MAML2: variants seen among roughly 807,000 people sequenced by gnomAD.
MAML2 encodes mastermind like transcriptional coactivator 2.
MAML2 carries 22 observed loss-of-function variants against 96.1 expected under a neutral mutation model. The observed-to-expected ratio is 0.23, with a 90% CI of 0.16 to 0.33. MAML2 has a LOEUF of 0.33. Among genes scored for constraint, MAML2 ranks in the 10% least tolerant of loss-of-function variants. The pLI, the probability that MAML2 is intolerant of heterozygous loss-of-function variation, is 1.00. For synonymous variants in MAML2, 561 were observed against 521.3 expected (o/e 1.08, Z -1.04); for missense variants, 1,367 against 1,392.4 (o/e 0.98, Z 0.29).
chr11:96,243,295 A>C (rs555007565), intron 1 of MAML2, among the ~76,000 whole-genome samples: 3 of 152,304 alleles, frequency 2.0e-5, no homozygotes, highest in African/African-American at 7.2e-5. Flanking sequence ...CCTCCAGACC[A>C]ATGAGAAGGA....
chr11:96,317,963 A>G (rs1325984834), intron 1 of MAML2, among the ~76,000 whole-genome samples: 1 of 152,240 alleles, frequency 6.6e-6, no homozygotes, highest in Non-Finnish European at 1.5e-5. Context: ...ACAAGCTGTG[A>G]ATCCAGAGTT....
At chr11:96,027,808 T>C (rs1234132360) in intron 2 of MAML2, among the ~76,000 whole-genome samples, 2 of 152,236 alleles carry the variant, frequency 1.3e-5, no homozygotes, top group Non-Finnish European at 2.9e-5. Flanking sequence ...CATGGCTTAC[T>C]GTAGCCTCAA....
chr11:96,146,866 T>A (rs963042500), intron 1 of MAML2, among the ~76,000 whole-genome samples: 2 of 152,230 alleles, frequency 1.3e-5, no homozygotes, highest in African/African-American at 4.8e-5. Flanking sequence ...AAAGAGGCAG[T>A]TGACAGCCTT....
chr11:96,341,181 G>A (rs1316296157), intron 1 of MAML2, among the ~76,000 whole-genome samples: 1 of 152,138 alleles, frequency 6.6e-6, no homozygotes, highest in African/African-American at 2.4e-5. Flanking sequence ...TATAAGCGAA[G>A]GAAAACCCAG....
rs535287955 is a variant in MAML2 at position 96,247,147 on chromosome 11, A to G, written c.513+94236T>C. On this transcript the variant is annotated intron_variant, in intron 1 of 4. Transcript: ENST00000524717. ...CCCTCATTAATGTCTTTCTAGCCTC[A>G]AATATGGAGTCAGCTCAACACACAC... Among the ~76,000 whole-genome samples the G allele has an allele frequency of 6.6e-5, 10 of 152,238 alleles. No homozygotes were observed. In the South Asian group the frequency reaches 2.1e-3, roughly 32 times the overall value.
At chr11:95,982,452 T>C (rs547278001) in intron 4 of MAML2, among the ~76,000 whole-genome samples, 11 of 152,308 alleles carry the variant, frequency 7.2e-5, no homozygotes, top group Non-Finnish European at 1.3e-4. Flanking sequence ...TCAGATTTCT[T>C]TTCTTTCCTC....
chr11:95,988,828 C>T (rs1207272178), intron 3 of MAML2, among the ~76,000 whole-genome samples: 2 of 152,020 alleles, frequency 1.3e-5, no homozygotes, highest in Non-Finnish European at 2.9e-5. Flanking sequence ...CTTGAGAATA[C>T]TTTTATGCAA....
In MAML2 at chr11:96,080,311, G is replaced by A. The variant is rs183397656; in HGVS notation, c.2139+11581C>T. 2.6e-5 allele frequency among the ~76,000 whole-genome samples: 4 copies of A among 152,300 alleles called. No homozygotes were observed. In the East Asian group the frequency reaches 5.8e-4, roughly 22 times the overall value. On this transcript the variant is annotated intron_variant, in intron 2 of 4. Coordinates refer to ENST00000524717, the MANE Select transcript of MAML2 (RefSeq NM_032427.4). ...CACATAATGGTAAATACCAGGAGAA[G>A]CAACTAAAAATGATGAAAGTGGTTT...
chr11:96,283,273 T>C (rs1277319645), intron 1 of MAML2, among the ~76,000 whole-genome samples: 2 of 152,234 alleles, frequency 1.3e-5, no homozygotes, highest in Non-Finnish European at 2.9e-5. Context: ...ACAGTTCTCC[T>C]TGTCTATTTT....
At chr11:96,142,297 C>T (rs556306596) in intron 1 of MAML2, among the ~76,000 whole-genome samples, 31 of 152,272 alleles carry the variant, frequency 2.0e-4, no homozygotes, top group South Asian at 2.1e-4. Flanking sequence ...AATTTCTCAT[C>T]TATTTGGGAG....
At chr11:95,997,553 T>G (rs1465895384) in intron 2 of MAML2, among the ~76,000 whole-genome samples, 2 of 152,202 alleles carry the variant, frequency 1.3e-5, no homozygotes, top group African/African-American at 4.8e-5. Flanking sequence ...AAGCATTGCA[T>G]TCTTCTGGGC....
chr11:96,330,974 A>G (rs1863846243), intron 1 of MAML2, among the ~76,000 whole-genome samples: 1 of 152,212 alleles, frequency 6.6e-6, no homozygotes, highest in Non-Finnish European at 1.5e-5. Flanking sequence ...GTGATCATTT[A>G]AAAAGCCATC....
chr11:96,121,780 A>T (rs1487289576), intron 1 of MAML2, among the ~76,000 whole-genome samples: 86 of 35,218 alleles, frequency 2.4e-3, no homozygotes, highest in East Asian at 3.3e-3. Context: ...CAACTGCGTG[A>T]TTTTTTTTTT....
At chr11:96,122,495 T>TGG (rs1047620685) in intron 1 of MAML2, among the ~76,000 whole-genome samples, 376 of 59,462 alleles carry the variant, frequency 6.3e-3, no homozygotes, top group African/African-American at 0.023. Context: ...TCTTTTAGGC[T>TGG]GGGTGTGTGT....
chr11:96,150,125 CA>C (rs1860896504), intron 1 of MAML2, among the ~76,000 whole-genome samples: 1 of 152,192 alleles, frequency 6.6e-6, no homozygotes, highest in African/African-American at 2.4e-5. Context: ...ATTTCGTTAA[CA>C]ATTTTTGACA....
At chr11:96,075,863 G>T (rs145837612) in intron 2 of MAML2, among the ~76,000 whole-genome samples, 2 of 152,042 alleles carry the variant, frequency 1.3e-5, no homozygotes, top group African/African-American at 2.4e-5. Flanking sequence ...CTTACTAATC[G>T]GCATTCAGAT....
chr11:96,225,891 T>C (rs1862204053), intron 1 of MAML2, among the ~76,000 whole-genome samples: 1 of 152,116 alleles, frequency 6.6e-6, no homozygotes, highest in Admixed American at 6.5e-5. Context: ...AGCATTCTCA[T>C]TGTAGTTATT....
intron 1 of MAML2, among the ~76,000 whole-genome samples, chr11:96,247,065 A>G (rs772408718): frequency 1.3e-5 from 2 of 152,092 alleles, no homozygotes; most frequent in Non-Finnish European, 2.9e-5. Flanking sequence ...GTTGCTGGAA[A>G]CTGTCTGATT....
chr11:96,181,576 G>A (rs955392269), intron 1 of MAML2, among the ~76,000 whole-genome samples: 10 of 151,910 alleles, frequency 6.6e-5, no homozygotes, highest in African/African-American at 2.2e-4. Flanking sequence ...TCTTTACAAC[G>A]TTGAGAATAA....
Sources: allele counts gnomAD v4.1 joint callset (sites outside exome capture counted in the v4.1 genomes callset), GRCh38; gene constraint gnomAD v4.1.1; transcripts MANE v1.5; gene names NCBI Gene and HGNC (gene_info 2026-07-23, HGNC 2026-07-21).